The following BROX variants were observed in gnomAD, a reference collection of about 807,000 sequenced individuals.
The protein encoded by BROX is BRO1 domain and CAAX motif containing.
BROX carries 53 observed loss-of-function variants against 61.0 expected under a neutral mutation model. That is an observed-to-expected ratio of 0.87 (90% CI 0.70 to 1.09). BROX has a LOEUF of 1.09. BROX is among the 50% of genes least tolerant of loss of function. The pLI is 0.00. For missense variants in BROX, 489 were observed against 472.0 expected (o/e 1.04, Z -0.33); for synonymous variants, 152 against 160.2 (o/e 0.95, Z 0.38).
intron 2 of BROX, among the ~76,000 whole-genome samples, chr1:222,716,199 A>G (rs1656594891): frequency 6.6e-6 from 1 of 152,056 alleles, no homozygotes; most frequent in Non-Finnish European, 1.5e-5. Flanking sequence ...CCTGGGTTCA[A>G]GCAATTCTTT....
chr1:222,723,682 T>C (rs563758816), intron 5 of BROX, among the ~76,000 whole-genome samples: 205 of 152,306 alleles, frequency 1.3e-3, no homozygotes, highest in Non-Finnish European at 2.3e-3. Flanking sequence ...TTAAATTTTT[T>C]TGGTGGCGGG....
At chr1:222,714,409 A>G (rs973487205) in intron 1 of BROX, among the ~76,000 whole-genome samples, 1 of 150,852 alleles carries the variant, frequency 6.6e-6, no homozygotes, top group Admixed American at 6.6e-5. Context: ...CGTGTTAGCC[A>G]GGATGGTCTC....
chr1:222,714,515 G>T lies in BROX; in HGVS notation c.-16-1169G>T, dbSNP rs1424094103. 4.7e-5 allele frequency among the ~76,000 whole-genome samples: 7 copies of T among 150,470 alleles called. No individual in the cohort carries two copies. In the East Asian group the frequency reaches 1.4e-3, roughly 30 times the overall value. ...GCGTTTTTTTTTTTTTAAGTAGAAGGCATGGAACTTAATTTTTTTTTTAAG... is the reference window on the plus strand; with the variant it reads ...GCGTTTTTTTTTTTTTAAGTAGAAGTCATGGAACTTAATTTTTTTTTTAAG... On this transcript the variant is annotated intron_variant, in intron 1 of 12. Transcript: ENST00000340934.
intron 2 of BROX, among the ~76,000 whole-genome samples, chr1:222,718,425 T>G (rs558703070): frequency 5.1e-4 from 77 of 152,318 alleles, no homozygotes; most frequent in African/African-American, 1.7e-3. Context: ...TTAAATATTT[T>G]TATGCAGTAT....
chr1:222,730,056 G>C lies in BROX; in HGVS notation c.868G>C (p.Glu290Gln). ...LYAKAEALCKEYGETKGPGPT... is the reference protein window; with the variant it reads ...LYAKAEALCKQYGETKGPGPT... ...TGCAAAGGCAGAAGCACTGTGTAAA[G>C]AATATGGAGAAACCAAAGGACCTGG... The change falls in exon 11 of 13, where the codon GAA becomes CAA. Residue 290 changes from glutamate to glutamine, a missense_variant. Glu to Gln is a conservative substitution (Grantham distance 29). Coordinates refer to ENST00000340934, the MANE Select transcript of BROX (RefSeq NM_144695.4). 2 of 1,612,314 alleles carry C rather than the reference G, an allele frequency of 1.2e-6. No individual in the cohort carries two copies. Among genetic ancestry groups the C allele is most frequent in the Non-Finnish European group, 1.7e-6 (2 of 1,179,374 alleles).
chr1:222,725,915 C>A (rs1657467109), intron 7 of BROX, among the ~76,000 whole-genome samples: 1 of 152,000 alleles, frequency 6.6e-6, no homozygotes, highest in African/African-American at 2.4e-5. Context: ...TGTCTCAAAA[C>A]CATTAATTAA....
intron 5 of BROX, among the ~76,000 whole-genome samples, chr1:222,723,306 T>C (rs578046870): frequency 1.3e-5 from 2 of 152,302 alleles, no homozygotes; most frequent in African/African-American, 4.8e-5. Flanking sequence ...CTGGATTTTA[T>C]TTTGTTTTGT....
At chr1:222,725,652 G>T (rs1007061592) in intron 7 of BROX, 97 bp downstream of exon 7, 2 of 947,292 alleles carry the variant, frequency 2.1e-6, no homozygotes, top group Non-Finnish European at 3.1e-6. Context: ...GCTTATGCAT[G>T]TAGTCCCAGC....
intron 4 of BROX, among the ~76,000 whole-genome samples, chr1:222,719,822 A>G (rs1394385596): frequency 6.6e-6 from 1 of 151,946 alleles, no homozygotes; most frequent in Non-Finnish European, 1.5e-5. Flanking sequence ...TCTCTTCCCT[A>G]TTTCTACTCT....
rs1261046025 is a variant in BROX, at chr1:222,731,597, C to A, written c.1149+81C>A. On this transcript the variant is annotated intron_variant, in intron 12 of 12. Transcript: ENST00000340934. ...AGAGTTAGCATTTTGATATTTTTCT[C>A]TAAATAGATACATATCTTTGTCTAA... 23 of 1,395,394 alleles carry A rather than the reference C, an allele frequency of 1.6e-5. No individual in the cohort carries two copies. The Admixed American group carries it at 5.6e-4, about 34-fold the overall frequency. The allele number at this position is 1,395,394 out of a possible 1,614,324, so 86.4% of individuals were successfully genotyped here. A position where few individuals can be genotyped will look rare whatever the true frequency, so the allele number is the denominator to read the frequency against.
chr1:222,727,039 G>A (rs1326783211), intron 7 of BROX, 129 bp from the exon 8 acceptor site: 6 of 668,368 alleles, frequency 9.0e-6, no homozygotes, highest in East Asian at 5.5e-5. Context: ...AAGTTTGCAC[G>A]TTAAAACGTT....
At position 222,715,801 on chromosome 1, in the gene BROX, G is replaced by T; in HGVS notation, c.101+1G>T. On this transcript the variant is annotated splice_donor_variant, in intron 2 of 12. Transcript: ENST00000340934. LOFTEE classifies it high-confidence loss of function. ...GCCCTTCTGCTTCAAAAATATGCAAGTAAGTTTATTGATTGAACCACTCTT... is the reference window on the plus strand; with the variant it reads ...GCCCTTCTGCTTCAAAAATATGCAATTAAGTTTATTGATTGAACCACTCTT... 6.4e-7 allele frequency: 1 copy of T among 1,572,044 alleles called. No individual in the cohort carries two copies. Among genetic ancestry groups the T allele is most frequent in the South Asian group, 1.2e-5 (1 of 85,562 alleles).
In BROX at chr1:222,728,809, T is replaced by A; in HGVS notation, c.737T>A (p.Met246Lys). The A allele has an allele frequency of 6.2e-7, 1 of 1,601,736 alleles. No individual in the cohort carries two copies. Among genetic ancestry groups the A allele is most frequent in the East Asian group, 2.2e-5 (1 of 44,694 alleles). Residue 246 changes from methionine (M) to lysine (K), a missense_variant, in exon 9 of 13, where the codon ATG becomes AAG. Transcript: ENST00000340934. ...TGGAGAAAATATCTTCACTTGAAGA[T>A]GTGTTTCTACACAGCTTATGTAAGT... ...AKWRKYLHLK[M>K]CFYTAYAYCY... is the part of the protein sequence containing the mutation.
In BROX at chr1:222,712,702, C is replaced by T. The variant is rs747840834; in HGVS notation, c.-257C>T. 1 of 1,292,316 alleles carries T rather than the reference C, an allele frequency of 7.7e-7. No homozygotes were observed. The highest frequency in any genetic ancestry group is 1.0e-6 in the Non-Finnish European group (1 of 990,730). The allele number at this position is 1,292,316 out of a possible 1,614,324, so 80.1% of individuals were successfully genotyped here. ...GGAGAAGTTAGAAAGGGATGATGAA[C>T]GAAGCGTTTTGAGGGGACTGCAACG... On this transcript the variant is annotated 5_prime_UTR_variant, in exon 1 of 13. In the 5' UTR this introduces an upstream ATG that the reference lacks. Coordinates refer to ENST00000340934, the MANE Select transcript of BROX (RefSeq NM_144695.4).
intron 1 of BROX, chr1:222,713,958 G>T (rs1656313030): frequency 6.6e-6 from 1 of 152,130 alleles, no homozygotes. Flanking sequence ...AACCAGCTTT[G>T]TCATGAATAA....
At chr1:222,721,231 G>A (rs887026909) in intron 4 of BROX, among the ~76,000 whole-genome samples, 2 of 152,040 alleles carry the variant, frequency 1.3e-5, no homozygotes, top group African/African-American at 4.8e-5. Context: ...AAAATAATAA[G>A]CTATTAAACT....
At chr1:222,713,161 T>G (rs1218722582) in intron 1 of BROX, 10 of 980,258 alleles carry the variant, frequency 1.0e-5, no homozygotes, top group Non-Finnish European at 1.1e-5. Context: ...TGAATCCCCT[T>G]GCCCCGCATC....
intron 7 of BROX, 109 bp downstream of exon 7, chr1:222,725,664 C>T: frequency 1.3e-6 from 1 of 798,914 alleles, no homozygotes; most frequent in East Asian, 3.1e-5. Flanking sequence ...AGTCCCAGCA[C>T]TTTGGGAGGT....
chr1:222,713,561 G>A (rs894785892), intron 1 of BROX: 2 of 548,688 alleles, frequency 3.6e-6, no homozygotes, highest in African/African-American at 4.1e-5. Context: ...CTGCGGGTGG[G>A]TGTGTCGTTC....
Sources: allele counts gnomAD v4.1 joint callset (sites outside exome capture counted in the v4.1 genomes callset), GRCh38; gene constraint gnomAD v4.1.1; transcripts MANE v1.5; gene names NCBI Gene and HGNC (gene_info 2026-07-23, HGNC 2026-07-21).